Variants in NAALADL2 observed in about 807,000 individuals in gnomAD.
NAALADL2 encodes the protein N-acetylated alpha-linked acidic dipeptidase like 2, also known as inactive N-acetylated-alpha-linked acidic dipeptidase-like protein 2.
In NAALADL2, 76 loss-of-function variants were observed where a neutral mutation model predicts 87.2. The ratio of observed to expected loss-of-function variants is 0.87; its 90% CI spans 0.72 to 1.05. The LOEUF (loss-of-function observed/expected upper bound fraction) is 1.05, where lower values mean the gene tolerates loss of function less well. Ranked by LOEUF, NAALADL2 falls within the 50% of genes least tolerant of loss-of-function variation. NAALADL2 has a pLI of 0.00. For missense variants in NAALADL2, 1,089 were observed against 945.8 expected, an observed-to-expected ratio of 1.15 and a Z score of -1.99; for synonymous variants, 354 against 331.0, an observed-to-expected ratio of 1.07 and a Z score of -0.75.
At chr3:175,080,612 G>T (rs969223046) in intron 1 of NAALADL2, among the ~76,000 whole-genome samples, 2 of 152,104 alleles carry the variant, frequency 1.3e-5, no homozygotes, top group Admixed American at 6.5e-5. Context: ...CACATTATTG[G>T]CTATAGGAAA....
intron 10 of NAALADL2, among the ~76,000 whole-genome samples, chr3:175,593,377 G>A (rs536434757): frequency 6.6e-6 from 1 of 152,238 alleles, no homozygotes; most frequent in East Asian, 1.9e-4. Context: ...TAAGCTAGAG[G>A]TTTTGTAAGC....
chr3:175,083,508 C>CA (rs943299674), intron 1 of NAALADL2, among the ~76,000 whole-genome samples: 15 of 151,536 alleles, frequency 9.9e-5, no homozygotes, highest in Middle Eastern at 3.4e-3. Context: ...TAGTTTTCAC[C>CA]AAAAAAAATC....
At chr3:175,156,576 GTTATT>G (rs1282215390) in intron 2 of NAALADL2, among the ~76,000 whole-genome samples, 2 of 151,196 alleles carry the variant, frequency 1.3e-5, no homozygotes, top group African/African-American at 4.9e-5. Context: ...CTATATTTTT[GTTATT>G]TTAAAGTGAC....
chr3:175,681,736 G>A (rs1735628836), intron 11 of NAALADL2, among the ~76,000 whole-genome samples: 1 of 152,116 alleles, frequency 6.6e-6, no homozygotes, highest in African/African-American at 2.4e-5. Context: ...GCAATGAAGA[G>A]TTTATTTCTT....
At chr3:175,758,407 A>T (rs542211033) in intron 13 of NAALADL2, among the ~76,000 whole-genome samples, 2 of 151,678 alleles carry the variant, frequency 1.3e-5, no homozygotes, top group African/African-American at 4.8e-5. Context: ...TATATATATT[A>T]ATTTATGTGT....
intron 11 of NAALADL2, among the ~76,000 whole-genome samples, chr3:175,691,832 T>C (rs1482099491): frequency 2.0e-5 from 3 of 152,144 alleles, no homozygotes; most frequent in Non-Finnish European, 4.4e-5. Context: ...ACTTGTGTCA[T>C]AAAATAATTT....
intron 2 of NAALADL2, among the ~76,000 whole-genome samples, chr3:175,231,819 A>G (rs946884560): frequency 2.0e-5 from 3 of 152,156 alleles, no homozygotes; most frequent in Admixed American, 2.0e-4. Context: ...ATGGATTTTA[A>G]CAGAATAAGG....
At chr3:175,523,180 G>C (rs1732904102) in intron 9 of NAALADL2, among the ~76,000 whole-genome samples, 1 of 152,268 alleles carries the variant, frequency 6.6e-6, no homozygotes, top group Non-Finnish European at 1.5e-5. Context: ...GTTGCCGCCT[G>C]GAAACATTTG....
intron 1 of NAALADL2, among the ~76,000 whole-genome samples, chr3:175,046,900 C>T (rs1754750346): frequency 6.6e-6 from 1 of 152,116 alleles, no homozygotes. Context: ...GAGTGAGTAT[C>T]ACATAAACAA....
chr3:174,621,061 C>G (rs1201744357), intron 2 of NAALADL2, among the ~76,000 whole-genome samples: 1 of 151,902 alleles, frequency 6.6e-6, no homozygotes, highest in Admixed American at 6.6e-5. Flanking sequence ...TATAACATCT[C>G]AGCAGATGGG....
intron 1 of NAALADL2, among the ~76,000 whole-genome samples, chr3:174,997,967 G>A (rs1464748427): frequency 1.3e-5 from 2 of 152,172 alleles, no homozygotes; most frequent in East Asian, 3.9e-4. Flanking sequence ...TGTTTCCTTA[G>A]ATTAAGATTT....
intron 2 of NAALADL2, among the ~76,000 whole-genome samples, chr3:174,736,497 C>T (rs1733213855): frequency 6.6e-6 from 1 of 151,980 alleles, no homozygotes; most frequent in Non-Finnish European, 1.5e-5. Context: ...GTGGGTAGCT[C>T]CTCTCCACAG....
intron 5 of NAALADL2, among the ~76,000 whole-genome samples, chr3:175,429,383 C>T (rs996533844): frequency 6.6e-6 from 1 of 152,060 alleles, no homozygotes; most frequent in Middle Eastern, 3.4e-3. Flanking sequence ...TTTTGCACCA[C>T]TCCAGTCATA....
chr3:175,444,123 T>A (rs1235542895), intron 5 of NAALADL2, among the ~76,000 whole-genome samples: 1 of 152,176 alleles, frequency 6.6e-6, no homozygotes, highest in Non-Finnish European at 1.5e-5. Flanking sequence ...TTTGGGATCA[T>A]GAAGGGCTTT....
intron 9 of NAALADL2, among the ~76,000 whole-genome samples, chr3:175,542,389 G>A (rs1712511044): frequency 6.6e-6 from 1 of 152,130 alleles, no homozygotes; most frequent in African/African-American, 2.4e-5. Context: ...CTGTTTCCTG[G>A]CATTTGTGGG....
intron 9 of NAALADL2, among the ~76,000 whole-genome samples, chr3:175,526,655 G>A (rs1436578604): frequency 1.3e-5 from 2 of 151,916 alleles, no homozygotes; most frequent in Non-Finnish European, 2.9e-5. Flanking sequence ...GGTGGGGGGT[G>A]GGAGTCATTT....
intron 2 of NAALADL2, among the ~76,000 whole-genome samples, chr3:175,191,966 C>A (rs2109062843): frequency 6.6e-6 from 1 of 152,016 alleles, no homozygotes; most frequent in South Asian, 2.1e-4. Flanking sequence ...CACATTTGTT[C>A]TCCCCAAAAT....
At chr3:175,182,928 C>A (rs570152805) in intron 2 of NAALADL2, among the ~76,000 whole-genome samples, 24 of 151,852 alleles carry the variant, frequency 1.6e-4, no homozygotes, top group African/African-American at 5.8e-4. Flanking sequence ...ATGTGAGATT[C>A]TTTTTAGTTA....
chr3:175,681,136 A>C (rs1735537396), intron 11 of NAALADL2, among the ~76,000 whole-genome samples: 2 of 152,114 alleles, frequency 1.3e-5, no homozygotes, highest in African/African-American at 4.8e-5. Context: ...CAAACAAAAA[A>C]CAGCCTTTAT....
Sources: gnomAD v4.1 joint callset for allele counts (sites outside exome capture counted in the v4.1 genomes callset) on GRCh38, gnomAD v4.1.1 for gene constraint, MANE v1.5 for transcripts, NCBI Gene and HGNC (gene_info 2026-07-23, HGNC 2026-07-21) for gene names.